Variants in JPH3 observed in about 807,000 individuals in gnomAD.
The protein encoded by JPH3 is junctophilin-3.
A neutral mutation model predicts 59.6 loss-of-function variants in JPH3; 11 were observed. The ratio of observed to expected loss-of-function variants is 0.18; its 90% CI spans 0.12 to 0.31. The LOEUF is 0.31. Ranked by LOEUF, JPH3 falls within the 10% of genes least tolerant of loss-of-function variation. The pLI, the probability that JPH3 is intolerant of heterozygous loss-of-function variation, is 1.00. For missense variants in JPH3, 1,202 were observed against 1,105.7 expected, an observed-to-expected ratio of 1.09 and a Z score of -1.24; for synonymous variants, 673 against 483.6, an observed-to-expected ratio of 1.39 and a Z score of -5.14.
intron 2 of JPH3, among the ~76,000 whole-genome samples, chr16:87,681,367 G>A (rs1467296243): frequency 6.9e-6 from 1 of 145,532 alleles, no homozygotes; most frequent in Admixed American, 6.8e-5. Context: ...AGGTGCGCGC[G>A]GTGGTGACAG....
intron 1 of JPH3, among the ~76,000 whole-genome samples, chr16:87,616,300 C>G (rs1476509369): frequency 6.7e-6 from 1 of 150,028 alleles, no homozygotes; most frequent in Non-Finnish European, 1.5e-5. Flanking sequence ...GTGGCGCGAT[C>G]TCAGCTCACT....
At chr16:87,635,102 C>T (rs368307427) in intron 1 of JPH3, among the ~76,000 whole-genome samples, 135 of 152,216 alleles carry the variant, frequency 8.9e-4, no homozygotes, top group Non-Finnish European at 1.6e-3. Flanking sequence ...ACTCATGGGT[C>T]GGGGCCGCAC....
intron 1 of JPH3, among the ~76,000 whole-genome samples, chr16:87,623,715 C>G (rs540868897): frequency 6.6e-6 from 1 of 152,332 alleles, no homozygotes; most frequent in East Asian, 1.9e-4. Context: ...GAGTCCTGCA[C>G]TGGTCCTGGC....
At chr16:87,607,316 G>A (rs1270011073) in intron 1 of JPH3, among the ~76,000 whole-genome samples, 5 of 152,134 alleles carry the variant, frequency 3.3e-5, no homozygotes, top group Non-Finnish European at 7.4e-5. Flanking sequence ...CCTACACCCT[G>A]AAAGATATGA....
At position 87,659,374 on chromosome 16, in the gene JPH3, C is replaced by CAAAAAAAAAAAAAAAAAAAAAAA. The variant is rs1354448370; in HGVS notation, c.1160+14351_1160+14352insAAAAAAAAAAAAAAAAAAAAAAA. The stretch of plus-strand genomic sequence containing the variant: ...CCTGGGTGACAGAGTAAGACTGTCT[C>CAAAAAAAAAAAAAAAAAAAAAAA]AAAAAAAAAAAAGAAAAAAAAAAAG... On this transcript the variant is annotated intron_variant, in intron 2 of 4. Transcript: ENST00000284262. 5.5e-4 allele frequency among the ~76,000 whole-genome samples: 41 copies of CAAAAAAAAAAAAAAAAAAAAAAA among 74,514 alleles called. 4 individuals carry two copies. The highest frequency in any genetic ancestry group is 1.1e-3 in the East Asian group (3 of 2,766). 48.9% of individuals were successfully genotyped at this position (74,514 alleles called of 152,430 possible).
chr16:87,692,529 G>A (rs945059766), intron 4 of JPH3, among the ~76,000 whole-genome samples: 1 of 151,614 alleles, frequency 6.6e-6, no homozygotes, highest in Non-Finnish European at 1.5e-5. Context: ...ATGCTGCAGA[G>A]CTCACACGCC....
At chr16:87,675,934 A>T (rs2033132200) in intron 2 of JPH3, among the ~76,000 whole-genome samples, 2 of 152,242 alleles carry the variant, frequency 1.3e-5, no homozygotes, top group African/African-American at 4.8e-5. Flanking sequence ...TCTGAAAGAA[A>T]TGTTTTCCAT....
intron 2 of JPH3, among the ~76,000 whole-genome samples, chr16:87,667,597 C>T (rs774584712): frequency 6.6e-6 from 1 of 152,172 alleles, no homozygotes; most frequent in Non-Finnish European, 1.5e-5. Flanking sequence ...GGCATTGGGA[C>T]ACCTGGGTCT....
intron 2 of JPH3, among the ~76,000 whole-genome samples, chr16:87,664,742 C>A (rs1336509733): frequency 1.3e-5 from 2 of 152,202 alleles, no homozygotes; most frequent in Non-Finnish European, 2.9e-5. Context: ...CTTATCCTTG[C>A]TGCGGTGTGG....
chr16:87,664,181 A>T (rs140241703), intron 2 of JPH3, among the ~76,000 whole-genome samples: 1 of 152,188 alleles, frequency 6.6e-6, no homozygotes, highest in African/African-American at 2.4e-5. Flanking sequence ...AATATAAAAA[A>T]TTAGCTGGGC....
At chr16:87,603,967 G>C (rs538389139) in intron 1 of JPH3, 1 of 555,086 alleles carries the variant, frequency 1.8e-6, no homozygotes, top group Non-Finnish European at 2.3e-6. Context: ...TGGTGTTCCT[G>C]CGGCGCCCGA....
In JPH3 at chr16:87,602,915, G is replaced by C; in HGVS notation, c.-232G>C. 3.6e-6 allele frequency: 1 copy of C among 276,800 alleles called. No individual in the cohort carries two copies. The highest frequency in any genetic ancestry group is 6.7e-6 in the Non-Finnish European group (1 of 149,936). The allele number at this position is 276,800 out of a possible 1,614,324, so 17.1% of individuals were successfully genotyped here. On this transcript the variant is annotated 5_prime_UTR_variant, in exon 1 of 5. Transcript: ENST00000284262. ...CCTGTCTCCAGCGGGAGCGCGAGAC[G>C]CTGGTCAGGCTCCGCGGCGCAGCTC...
intron 1 of JPH3, among the ~76,000 whole-genome samples, chr16:87,637,352 C>T (rs527366445): frequency 1.3e-5 from 2 of 152,204 alleles, no homozygotes; most frequent in Admixed American, 6.5e-5. Context: ...CCCCGGCCAT[C>T]ATCCGTCTGT....
intron 1 of JPH3, among the ~76,000 whole-genome samples, chr16:87,607,528 G>A (rs923159201): frequency 2.0e-5 from 3 of 152,240 alleles, no homozygotes. Flanking sequence ...GCGCCCTTGC[G>A]GCCTTGCTTG....
chr16:87,617,052 C>T (rs536580165), intron 1 of JPH3, among the ~76,000 whole-genome samples: 2 of 152,252 alleles, frequency 1.3e-5, no homozygotes, highest in Admixed American at 6.5e-5. Flanking sequence ...TGGTGAAACC[C>T]CGTCTTTACT....
At chr16:87,609,187 C>A (rs1354839576) in intron 1 of JPH3, among the ~76,000 whole-genome samples, 2 of 152,242 alleles carry the variant, frequency 1.3e-5, no homozygotes, top group Admixed American at 6.5e-5. Context: ...AGGTAACATC[C>A]TCTGCTGGTC....
chr16:87,685,863 C>T (rs1253664333), intron 3 of JPH3, among the ~76,000 whole-genome samples: 1 of 152,184 alleles, frequency 6.6e-6, no homozygotes, highest in Non-Finnish European at 1.5e-5. Context: ...CCAAATCCCC[C>T]AAGAGACGCA....
At chr16:87,648,791 G>C (rs1225392444) in intron 2 of JPH3, among the ~76,000 whole-genome samples, 2 of 152,176 alleles carry the variant, frequency 1.3e-5, no homozygotes, top group Non-Finnish European at 2.9e-5. Flanking sequence ...GAGCCTTCGA[G>C]GCTCTCCAGG....
At chr16:87,625,306 G>T (rs2031331387) in intron 1 of JPH3, among the ~76,000 whole-genome samples, 1 of 152,174 alleles carries the variant, frequency 6.6e-6, no homozygotes, top group Non-Finnish European at 1.5e-5. Context: ...AGTCGGTGCT[G>T]GGCAGGTGGG....
Sources: gnomAD v4.1 joint callset for allele counts (sites outside exome capture counted in the v4.1 genomes callset) on GRCh38, gnomAD v4.1.1 for gene constraint, MANE v1.5 for transcripts, NCBI Gene and HGNC (gene_info 2026-07-23, HGNC 2026-07-21) for gene names.